Variants in INTS6 observed in about 807,000 individuals in gnomAD.
The protein encoded by INTS6 is integrator complex subunit 6, also known as DEAD box protein.
INTS6 carries 16 observed loss-of-function variants against 104.9 expected under a neutral mutation model. That is an observed-to-expected ratio of 0.15 (90% CI 0.10 to 0.23). INTS6 has a LOEUF of 0.23. INTS6 is among the 10% of genes least tolerant of loss of function. The pLI, the probability that INTS6 is intolerant of heterozygous loss-of-function variation, is 1.00. For missense variants in INTS6, 584 were observed against 1,062.8 expected, an observed-to-expected ratio of 0.55 and a Z score of 6.26; for synonymous variants, 324 against 358.7, an observed-to-expected ratio of 0.90 and a Z score of 1.09.
At position 51,430,289 on chromosome 13, in the gene INTS6, C is replaced by T. The variant is rs371349452; in HGVS notation, c.429+5G>A. On this transcript the variant is annotated splice_donor_5th_base_variant and intron_variant, in intron 4 of 17. Coordinates refer to ENST00000311234, the MANE Select transcript of INTS6 (RefSeq NM_012141.3). ...CATAATCCATGTAATATAAGCACAA[C>T]TTACCTCATCCTGGACTCCACTGGT... is the stretch of plus-strand genomic sequence containing the variant. The T allele has an allele frequency of 6.2e-7, 1 of 1,611,676 alleles. No individual in the cohort carries two copies. The highest frequency in any genetic ancestry group is 1.3e-5 in the African/African-American group (1 of 74,968).
At chr13:51,341,384 C>A in the INTS6 span, 2 of 1,536,000 alleles carry the variant, frequency 1.3e-6, no homozygotes, top group Non-Finnish European at 1.8e-6. Context: ...CACTTACCCT[C>A]CTGTTCACAC....
At chr13:51,413,287 G>A (rs187478366) in intron 4 of INTS6, among the ~76,000 whole-genome samples, 25 of 152,222 alleles carry the variant, frequency 1.6e-4, no homozygotes, top group Admixed American at 1.6e-3. Flanking sequence ...CCTTACCTGG[G>A]TATTTCTTCT....
At chr13:51,411,233 A>ATAAG in intron 4 of INTS6, among the ~76,000 whole-genome samples, 1 of 149,836 alleles carries the variant, frequency 6.7e-6, no homozygotes, top group Non-Finnish European at 1.5e-5. Flanking sequence ...AAATAAATAA[A>ATAAG]TAAATAAATA....
chr13:51,380,523 TTC>T (rs1258072272), intron 10 of INTS6, among the ~76,000 whole-genome samples: 10 of 152,308 alleles, frequency 6.6e-5, no homozygotes, highest in African/African-American at 2.4e-4. Flanking sequence ...GAAGTGTTTG[TTC>T]TTTTTTGTCC....
chr13:51,430,845 A>T (rs1459346839), intron 3 of INTS6, among the ~76,000 whole-genome samples: 3 of 152,226 alleles, frequency 2.0e-5, no homozygotes, highest in African/African-American at 7.2e-5. Context: ...TGTCTAAGCA[A>T]ATAACTAGGT....
At chr13:51,354,882 A>G (rs1477062508) in intron 3 of INTS6, among the ~76,000 whole-genome samples, 1 of 152,190 alleles carries the variant, frequency 6.6e-6, no homozygotes, top group African/African-American at 2.4e-5. Flanking sequence ...CTGTGTGGTC[A>G]GATTAGGGCT....
At chr13:51,367,678 T>A in intron 17 of INTS6, 127 bp downstream of exon 17, 1 of 522,686 alleles carries the variant, frequency 1.9e-6, no homozygotes, top group Non-Finnish European at 3.4e-6. Flanking sequence ...AAGAATTTAT[T>A]TATATGTTGG....
In INTS6 at chr13:51,365,697, A is replaced by C; in HGVS notation, c.*55T>G. ...GAATGCAAGATCACAACAGTCTTGT[A>C]TTTACTTTGTATTTGAAGAAGATAG... On this transcript the variant is annotated 3_prime_UTR_variant, in exon 18 of 18. Coordinates refer to ENST00000311234, the MANE Select transcript of INTS6 (RefSeq NM_012141.3). 1.0e-6 allele frequency: 1 copy of C among 989,250 alleles called. No homozygotes were observed. The highest frequency in any genetic ancestry group is 1.5e-6 in the Non-Finnish European group (1 of 654,174). The allele number at this position is 989,250 out of a possible 1,614,324, so 61.3% of individuals were successfully genotyped here.
At chr13:51,358,190 T>C (rs139172077), downstream of INTS6, among the ~76,000 whole-genome samples, 213 of 152,198 alleles carry the variant, frequency 1.4e-3, 1 homozygote, top group African/African-American at 4.9e-3. Context: ...CCCTAACACT[T>C]AGTGTTAGCA....
At chr13:51,355,599 CA>C (rs1955469370) in intron 3 of INTS6, among the ~76,000 whole-genome samples, 2 of 152,132 alleles carry the variant, frequency 1.3e-5, no homozygotes, top group South Asian at 4.1e-4. Context: ...CTCATCTGTC[CA>C]ATTTCCTTTT....
the INTS6 span, among the ~76,000 whole-genome samples, chr13:51,338,017 T>C: frequency 6.6e-6 from 1 of 152,216 alleles, no homozygotes; most frequent in Non-Finnish European, 1.5e-5. Context: ...TTAGCCTATA[T>C]AGAAAATATA....
chr13:51,341,200 C>T, the INTS6 span: 9 of 1,613,934 alleles, frequency 5.6e-6, no homozygotes, highest in Non-Finnish European at 7.6e-6. Context: ...TGCACTTCAC[C>T]TCTACCAGAG....
chr13:51,409,215 A>C (rs1181044497), intron 4 of INTS6, among the ~76,000 whole-genome samples: 1 of 150,552 alleles, frequency 6.6e-6, no homozygotes, highest in Non-Finnish European at 1.5e-5. Flanking sequence ...GTGAGCCGAG[A>C]TTGCACCACT....
At chr13:51,345,592 CAA>C in the INTS6 span, among the ~76,000 whole-genome samples, 15 of 37,034 alleles carry the variant, frequency 4.1e-4, no homozygotes, top group South Asian at 6.2e-3. Context: ...GATTTCATCT[CAA>C]AAAAAAAAAA....
intron 4 of INTS6, chr13:51,423,156 A>G (rs1418705078): frequency 3.0e-6 from 2 of 665,298 alleles, no homozygotes; most frequent in Non-Finnish European, 4.3e-6. Context: ...ACACAGCCAA[A>G]GTAACTATGT....
At chr13:51,335,235 G>A in the INTS6 span, among the ~76,000 whole-genome samples, 72 of 152,170 alleles carry the variant, frequency 4.7e-4, no homozygotes, top group Non-Finnish European at 9.1e-4. Context: ...GCCAAAAGGG[G>A]AGAAAATATT....
intron 12 of INTS6, among the ~76,000 whole-genome samples, chr13:51,377,805 A>C (rs559676932): frequency 1.1e-3 from 173 of 152,232 alleles, no homozygotes; most frequent in Middle Eastern, 3.4e-3. Flanking sequence ...GGACCTTTAC[A>C]TTTCCATATA....
chr13:51,379,236 C>A (rs1188036712), intron 11 of INTS6, among the ~76,000 whole-genome samples: 1 of 151,546 alleles, frequency 6.6e-6, no homozygotes, highest in African/African-American at 2.4e-5. Context: ...ACTCATGAAG[C>A]CATTTTCATA....
In INTS6 at chr13:51,362,045, TAAGA is replaced by T. The variant is rs748856209; in HGVS notation, c.*3703_*3706del. 1.5e-5 allele frequency: 24 copies of T among 1,582,858 alleles called. No individual in the cohort carries two copies. The highest frequency in any genetic ancestry group is 1.2e-4 in the Admixed American group (6 of 50,064). On this transcript the variant is annotated 3_prime_UTR_variant, in exon 18 of 18. Coordinates refer to ENST00000311234, the MANE Select transcript of INTS6 (RefSeq NM_012141.3). The stretch of plus-strand genomic sequence containing the variant: ...GCTACCCAGTTGCTATCTTCTATCC[TAAGA>T]AAGGGGACTATTTCGTAAGTACAAA...
Sources: allele counts gnomAD v4.1 joint callset (sites outside exome capture counted in the v4.1 genomes callset), GRCh38; gene constraint gnomAD v4.1.1; transcripts MANE v1.5; gene names NCBI Gene and HGNC (gene_info 2026-07-23, HGNC 2026-07-21).